Variants in WBP1L observed in about 807,000 individuals in gnomAD.
The protein encoded by WBP1L is WW domain binding protein 1-like.
A neutral mutation model predicts 33.7 loss-of-function variants in WBP1L; 17 were observed. The ratio of observed to expected loss-of-function variants is 0.50; its 90% CI spans 0.34 to 0.76. The LOEUF is 0.76. WBP1L is among the 30% of genes least tolerant of loss of function. The pLI, the probability that WBP1L is intolerant of heterozygous loss-of-function variation, is 0.01. For synonymous variants in WBP1L, 173 were observed against 190.8 expected, an observed-to-expected ratio of 0.91 and a Z score of 0.77; for missense variants, 389 against 469.4, an observed-to-expected ratio of 0.83 and a Z score of 1.58.
intron 1 of WBP1L, among the ~76,000 whole-genome samples, chr10:102,755,510 G>T (rs1040528133): frequency 6.6e-6 from 1 of 151,954 alleles, no homozygotes; most frequent in African/African-American, 2.4e-5. Context: ...TCCTGCCTCA[G>T]CTCCCTGAGT....
chr10:102,790,498 C>T (rs918734250), intron 1 of WBP1L, among the ~76,000 whole-genome samples: 1 of 151,942 alleles, frequency 6.6e-6, no homozygotes, highest in Non-Finnish European at 1.5e-5. Context: ...GTGAGCTTAT[C>T]TTCAACAGAA....
chr10:102,800,594 G>A (rs760996122), intron 2 of WBP1L, among the ~76,000 whole-genome samples: 2 of 152,216 alleles, frequency 1.3e-5, no homozygotes, highest in African/African-American at 2.4e-5. Context: ...AAGGTGCCCC[G>A]TTAAATGAGC....
At chr10:102,796,499 T>TA (rs1843575464) in intron 1 of WBP1L, among the ~76,000 whole-genome samples, 1 of 152,140 alleles carries the variant, frequency 6.6e-6, no homozygotes, top group African/African-American at 2.4e-5. Flanking sequence ...CTTGGCCAAG[T>TA]AGACAGTGTA....
At chr10:102,765,151 C>T (rs1025834109) in intron 1 of WBP1L, among the ~76,000 whole-genome samples, 1 of 152,196 alleles carries the variant, frequency 6.6e-6, no homozygotes, top group Admixed American at 6.5e-5. Context: ...CTCTTCTGAC[C>T]TCTTAGCTGT....
intron 1 of WBP1L, among the ~76,000 whole-genome samples, chr10:102,748,862 A>T (rs1027411925): frequency 7.2e-5 from 11 of 152,244 alleles, no homozygotes; most frequent in Non-Finnish European, 1.5e-4. Flanking sequence ...AGGAAAAAGC[A>T]TTTGTTCAGG....
At chr10:102,779,818 T>C (rs1420833609) in intron 1 of WBP1L, among the ~76,000 whole-genome samples, 5 of 152,340 alleles carry the variant, frequency 3.3e-5, no homozygotes, top group Non-Finnish European at 7.3e-5. Context: ...GGCAGGTATC[T>C]GAATCAGGCT....
At chr10:102,804,292 G>A (rs1843700317) in intron 2 of WBP1L, among the ~76,000 whole-genome samples, 1 of 150,632 alleles carries the variant, frequency 6.6e-6, no homozygotes, top group Admixed American at 6.6e-5. Flanking sequence ...GGAGGCTGAG[G>A]CAGGAGATTC....
At chr10:102,807,627 C>G (rs1843755391) in intron 2 of WBP1L, among the ~76,000 whole-genome samples, 1 of 152,090 alleles carries the variant, frequency 6.6e-6, no homozygotes, top group South Asian at 2.1e-4. Context: ...CCACCTTGGC[C>G]TCCCAAAGTG....
chr10:102,804,169 A>G (rs1402361706), intron 2 of WBP1L: 6 of 152,066 alleles, frequency 3.9e-5, no homozygotes, highest in African/African-American at 1.4e-4. Context: ...TGGGTGGATC[A>G]CTTGAGGTCA....
intron 2 of WBP1L, among the ~76,000 whole-genome samples, chr10:102,801,744 G>GAA (rs1352409915): frequency 1.4e-4 from 21 of 152,130 alleles, no homozygotes; most frequent in African/African-American, 5.1e-4. Context: ...TATGTTTCTG[G>GAA]ACAGTGGAAT....
At chr10:102,744,549 G>A (rs764560540) in intron 1 of WBP1L, 100 of 923,288 alleles carry the variant, frequency 1.1e-4, no homozygotes, top group Non-Finnish European at 1.2e-4. Context: ...TGTGAGGGAG[G>A]GGATCCTGAG....
chr10:102,770,965 C>G (rs1025130658), intron 1 of WBP1L, among the ~76,000 whole-genome samples: 3 of 152,218 alleles, frequency 2.0e-5, no homozygotes, highest in African/African-American at 7.2e-5. Flanking sequence ...TCACAGCCAG[C>G]TGTGTGACCT....
chr10:102,756,192 C>T (rs1842974083), intron 1 of WBP1L, among the ~76,000 whole-genome samples: 1 of 152,100 alleles, frequency 6.6e-6, no homozygotes, highest in South Asian at 2.1e-4. Flanking sequence ...GCGGGTGGAT[C>T]ACGAGGTCAG....
chr10:102,788,096 A>G (rs977665090), intron 1 of WBP1L, among the ~76,000 whole-genome samples: 2 of 149,264 alleles, frequency 1.3e-5, no homozygotes, highest in Non-Finnish European at 3.0e-5. Context: ...AACAAAACCA[A>G]TACTATCAGG....
At chr10:102,754,439 C>T (rs967022188) in intron 1 of WBP1L, among the ~76,000 whole-genome samples, 1 of 152,156 alleles carries the variant, frequency 6.6e-6, no homozygotes, top group African/African-American at 2.4e-5. Flanking sequence ...TGCTCTGTTG[C>T]CCAAGCTGGA....
At chr10:102,756,686 T>TTATAGG (rs1190057525) in intron 1 of WBP1L, among the ~76,000 whole-genome samples, 3 of 152,140 alleles carry the variant, frequency 2.0e-5, no homozygotes, top group Admixed American at 6.5e-5. Flanking sequence ...CTGAGGATTG[T>TTATAGG]GTGGTTATAG....
At chr10:102,783,753 A>G (rs1341192195) in intron 1 of WBP1L, among the ~76,000 whole-genome samples, 3 of 152,202 alleles carry the variant, frequency 2.0e-5, no homozygotes, top group Non-Finnish European at 2.9e-5. Context: ...ACATCCTACA[A>G]TGTACAGTTC....
Position 102,814,727 on chromosome 10 carries a change from C to T in WBP1L, c.*1396C>T, listed in dbSNP as rs955524441. ...GCTCGCCTTCAGGTCACCAGCTGAG[C>T]TGCGATAGGAAAATCTGAATGGAGG... is the stretch of plus-strand genomic sequence containing the variant. On this transcript the variant is annotated 3_prime_UTR_variant, in exon 4 of 4. Transcript: ENST00000448841. 1 of 152,182 alleles carries T rather than the reference C, an allele frequency of 6.6e-6. No individual in the cohort carries two copies. The highest frequency in any genetic ancestry group is 2.4e-5 in the African/African-American group (1 of 41,260). The allele number at this position is 152,182 out of a possible 1,614,324, so 9.4% of individuals were successfully genotyped here.
chr10:102,799,405 C>T (rs1360162442), intron 2 of WBP1L, among the ~76,000 whole-genome samples: 2 of 152,000 alleles, frequency 1.3e-5, no homozygotes, highest in Non-Finnish European at 2.9e-5. Context: ...CCACTTGCTT[C>T]TTCAAGTTGC....
Sources: allele counts gnomAD v4.1 joint callset (sites outside exome capture counted in the v4.1 genomes callset), GRCh38; gene constraint gnomAD v4.1.1; transcripts MANE v1.5; gene names NCBI Gene and HGNC (gene_info 2026-07-23, HGNC 2026-07-21).